Variants in SMARCC1 observed in about 807,000 individuals in gnomAD.
SMARCC1 encodes the protein SWI/SNF related BAF chromatin remodeling complex subunit C1.
SMARCC1 carries 43 observed loss-of-function variants against 147.4 expected under a neutral mutation model. The observed-to-expected ratio is 0.29, with a 90% confidence interval of 0.23 to 0.38. The LOEUF is 0.38. Among genes scored for constraint, SMARCC1 ranks in the 10% least tolerant of loss-of-function variants. The pLI, the probability that SMARCC1 is intolerant of heterozygous loss-of-function variation, is 1.00. For missense variants in SMARCC1, 1,119 were observed against 1,381.1 expected (o/e 0.81, Z 3.01); for synonymous variants, 495 against 484.4 (o/e 1.02, Z -0.29).
At chr3:47,623,437 G>C (rs139278453) in intron 24 of SMARCC1, among the ~76,000 whole-genome samples, 2 of 152,238 alleles carry the variant, frequency 1.3e-5, no homozygotes, top group East Asian at 3.9e-4. Flanking sequence ...CTAACACTTA[G>C]ACGAAAGCCT....
intron 5 of SMARCC1, among the ~76,000 whole-genome samples, chr3:47,733,994 T>C (rs1349941908): frequency 6.6e-6 from 1 of 151,968 alleles, no homozygotes; most frequent in African/African-American, 2.4e-5. Context: ...TATACATATG[T>C]ATGTATATCT....
In SMARCC1 at chr3:47,592,254, G is replaced by T. The variant is rs574275144; in HGVS notation, c.3044-1417C>A. On this transcript the variant is annotated intron_variant, in intron 26 of 27. Transcript: ENST00000254480. The stretch of plus-strand genomic sequence containing the variant: ...CCAGATAGTAAATATTTTAGTCTTT[G>T]CCAGCCATATGGTCTGTGTCACAAC... Among the ~76,000 whole-genome samples, 8 of 152,296 alleles carry T rather than the reference G, an allele frequency of 5.3e-5. 1 individual carries two copies. The South Asian group carries it at 1.7e-3, about 32-fold the overall frequency.
chr3:47,759,618 CAAA>C (rs796811233), intron 2 of SMARCC1, among the ~76,000 whole-genome samples: 5 of 63,766 alleles, frequency 7.8e-5, no homozygotes, highest in Admixed American at 1.8e-4. Context: ...GACTCCGTCT[CAAA>C]AAAAAAAAAA....
At chr3:47,631,550 C>T (rs775347714) in intron 24 of SMARCC1, among the ~76,000 whole-genome samples, 1 of 152,150 alleles carries the variant, frequency 6.6e-6, no homozygotes, top group Non-Finnish European at 1.5e-5. Context: ...CTGCTTACAC[C>T]CACACACCAC....
chr3:47,649,537 T>C (rs775650369), intron 21 of SMARCC1, among the ~76,000 whole-genome samples: 4 of 152,232 alleles, frequency 2.6e-5, no homozygotes, highest in African/African-American at 4.8e-5. Context: ...GAAACCTGTA[T>C]TCCACAGGCT....
At chr3:47,761,163 G>A (rs937917429) in intron 2 of SMARCC1, among the ~76,000 whole-genome samples, 8 of 121,524 alleles carry the variant, frequency 6.6e-5, no homozygotes, top group African/African-American at 8.6e-5. Flanking sequence ...AAAGCCAGGC[G>A]TGGTGGAATG....
At chr3:47,633,072 G>T (rs1029509088) in intron 24 of SMARCC1, among the ~76,000 whole-genome samples, 6 of 152,146 alleles carry the variant, frequency 3.9e-5, no homozygotes, top group African/African-American at 1.4e-4. Context: ...CTTCTGGAGG[G>T]GCTGGTAATG....
intron 20 of SMARCC1, among the ~76,000 whole-genome samples, chr3:47,661,968 G>A (rs560016864): frequency 3.3e-5 from 5 of 151,022 alleles, no homozygotes; most frequent in Non-Finnish European, 5.9e-5. Context: ...TTAATTTTAA[G>A]GTGCATTACT....
chr3:47,625,285 T>C (rs1343313846), intron 24 of SMARCC1, among the ~76,000 whole-genome samples: 6 of 149,750 alleles, frequency 4.0e-5, no homozygotes, highest in African/African-American at 1.5e-4. Flanking sequence ...CATGGCAAAA[T>C]CCCTTCTTTA....
chr3:47,732,739 G>A (rs937556152), intron 5 of SMARCC1, among the ~76,000 whole-genome samples: 1 of 152,004 alleles, frequency 6.6e-6, no homozygotes, highest in African/African-American at 2.4e-5. Flanking sequence ...ATCTTCTATG[G>A]GTGTTGTGCT....
At chr3:47,743,035 A>G (rs1383147732) in intron 3 of SMARCC1, among the ~76,000 whole-genome samples, 1 of 152,222 alleles carries the variant, frequency 6.6e-6, no homozygotes, top group Non-Finnish European at 1.5e-5. Context: ...GCAGAACCAC[A>G]ATGAAATAAG....
intron 24 of SMARCC1, among the ~76,000 whole-genome samples, chr3:47,633,569 C>A (rs2032920752): frequency 1.3e-5 from 2 of 151,106 alleles, no homozygotes; most frequent in South Asian, 2.1e-4. Flanking sequence ...TATGGCAAAA[C>A]CCTGTCTCTA....
chr3:47,752,853 TAG>T (rs1048053688), intron 2 of SMARCC1, among the ~76,000 whole-genome samples: 2 of 152,254 alleles, frequency 1.3e-5, no homozygotes, highest in African/African-American at 4.8e-5. Flanking sequence ...ACACTCCAAT[TAG>T]AGACTCTGGG....
chr3:47,610,246 G>A lies in SMARCC1; in HGVS notation c.2863C>T (p.Arg955Ter). The A allele has an allele frequency of 6.2e-7, 1 of 1,614,142 alleles. No individual in the cohort carries two copies. Among genetic ancestry groups the A allele is most frequent in the Non-Finnish European group, 8.5e-7 (1 of 1,180,046 alleles). ...TGCTGCTGCTGTTCCATTTGCTGTCGTGCTCGTAATTCAGCATACTTCAGC... is the reference window on the plus strand; with the variant it reads ...TGCTGCTGCTGTTCCATTTGCTGTCATGCTCGTAATTCAGCATACTTCAGC... ...EQLKYAELRA[R>*]QQMEQQQHGQ... Residue 955 changes from arginine (R) to a stop codon, truncating the protein, a stop_gained, in exon 26 of 28, where the codon CGA becomes TGA. Transcript: ENST00000254480. LOFTEE classifies it high-confidence loss of function.
intron 3 of SMARCC1, among the ~76,000 whole-genome samples, chr3:47,744,826 C>T (rs368392883): frequency 2.3e-4 from 35 of 152,210 alleles, no homozygotes; most frequent in African/African-American, 8.4e-4. Flanking sequence ...GGGGAAAAGA[C>T]TGAAGGGAGC....
intron 19 of SMARCC1, chr3:47,663,540 G>C: frequency 9.5e-7 from 1 of 1,057,380 alleles, no homozygotes; most frequent in Non-Finnish European, 1.4e-6. Context: ...GAGCCCAGGG[G>C]TTCAAGGCCA....
chr3:47,710,581 G>T, intron 9 of SMARCC1, 102 bp downstream of exon 9: 1 of 1,193,662 alleles, frequency 8.4e-7, no homozygotes, highest in African/African-American at 1.6e-5. Flanking sequence ...AGATGTGAAA[G>T]TTCCTAAGTG....
chr3:47,610,987 A>C (rs1381397902), intron 25 of SMARCC1, among the ~76,000 whole-genome samples: 2 of 152,238 alleles, frequency 1.3e-5, no homozygotes, highest in African/African-American at 2.4e-5. Flanking sequence ...AAAAATTTGC[A>C]TGAATCTTAG....
chr3:47,679,627 C>G (rs995735018), intron 15 of SMARCC1, among the ~76,000 whole-genome samples: 3 of 152,002 alleles, frequency 2.0e-5, no homozygotes, highest in African/African-American at 7.3e-5. Context: ...TTTGAGAGGC[C>G]GAGGCAAGTG....
Sources: gnomAD v4.1 joint callset for allele counts (sites outside exome capture counted in the v4.1 genomes callset) on GRCh38, gnomAD v4.1.1 for gene constraint, MANE v1.5 for transcripts, NCBI Gene and HGNC (gene_info 2026-07-23, HGNC 2026-07-21) for gene names.